The following PDE8B variants were observed in gnomAD, a reference collection of about 807,000 sequenced individuals.
PDE8B encodes phosphodiesterase 8B.
PDE8B carries 26 observed loss-of-function variants against 101.3 expected under a neutral mutation model. The ratio of observed to expected loss-of-function variants is 0.26; its 90% confidence interval spans 0.19 to 0.36. The LOEUF is 0.36. Ranked by LOEUF, PDE8B falls within the 10% of genes least tolerant of loss-of-function variation. The probability of loss-of-function intolerance (pLI) is 1.00; values close to 1 mark genes in which losing one functional copy is unlikely to be tolerated. For synonymous variants in PDE8B, 424 were observed against 429.3 expected, an observed-to-expected ratio of 0.99 and a Z score of 0.15; for missense variants, 810 against 1,163.1, an observed-to-expected ratio of 0.70 and a Z score of 4.42.
intron 1 of PDE8B, among the ~76,000 whole-genome samples, chr5:77,243,995 T>C (rs1756340548): frequency 6.6e-6 from 1 of 151,872 alleles, no homozygotes; most frequent in Non-Finnish European, 1.5e-5. Flanking sequence ...TGGTTAATGT[T>C]TGGTCTGAAC....
At chr5:77,362,695 G>A (rs561170203) in intron 10 of PDE8B, among the ~76,000 whole-genome samples, 6 of 152,092 alleles carry the variant, frequency 3.9e-5, no homozygotes, top group Middle Eastern at 3.2e-3. Context: ...TTCCTGCCCC[G>A]CTTTCCCTGC....
chr5:77,159,701 A>C, the PDE8B span, among the ~76,000 whole-genome samples: 1 of 152,166 alleles, frequency 6.6e-6, no homozygotes, highest in African/African-American at 2.4e-5. Context: ...GCTAGTCTTG[A>C]GCTGCAGGAG....
chr5:77,132,293 T>C, the PDE8B span, among the ~76,000 whole-genome samples: 10 of 152,330 alleles, frequency 6.6e-5, no homozygotes, highest in Admixed American at 1.3e-4. Context: ...TCCTCCATAT[T>C]GCTAACTAAT....
intron 1 of PDE8B, among the ~76,000 whole-genome samples, chr5:77,225,660 A>G (rs1752179918): frequency 6.6e-6 from 1 of 152,204 alleles, no homozygotes; most frequent in African/African-American, 2.4e-5. Context: ...TAGCCAGGAA[A>G]TAGATACTTT....
At chr5:77,134,027 T>C in the PDE8B span, among the ~76,000 whole-genome samples, 7 of 152,144 alleles carry the variant, frequency 4.6e-5, no homozygotes, top group African/African-American at 1.2e-4. Flanking sequence ...CTGGGGCCGA[T>C]CTGTAGTCAT....
chr5:77,341,689 C>G (rs1043630430), intron 6 of PDE8B, among the ~76,000 whole-genome samples: 1 of 152,234 alleles, frequency 6.6e-6, no homozygotes, highest in Non-Finnish European at 1.5e-5. Flanking sequence ...TACAGTGCTT[C>G]GTCCAGTTTT....
intron 1 of PDE8B, among the ~76,000 whole-genome samples, chr5:77,259,757 TC>T (rs1179606363): frequency 2.0e-5 from 3 of 152,228 alleles, no homozygotes; most frequent in African/African-American, 4.8e-5. Context: ...GGGGTATGTT[TC>T]CCACATCCTG....
intron 6 of PDE8B, among the ~76,000 whole-genome samples, chr5:77,342,065 A>G (rs1779298692): frequency 6.6e-6 from 1 of 152,190 alleles, no homozygotes; most frequent in African/African-American, 2.4e-5. Context: ...TGCACTCCGC[A>G]CGCATACCTC....
chr5:77,424,811 GTTTTT>G (rs1004087096), intron 20 of PDE8B, among the ~76,000 whole-genome samples: 232 of 111,320 alleles, frequency 2.1e-3, no homozygotes, highest in African/African-American at 6.8e-3. Context: ...AACTGGTTCT[GTTTTT>G]TTGTTTTTTG....
the PDE8B span, among the ~76,000 whole-genome samples, chr5:77,130,851 T>A: frequency 4.4e-4 from 67 of 152,316 alleles, no homozygotes; most frequent in South Asian, 1.7e-3. Context: ...GAAAAGAGAT[T>A]ATGGACACAT....
chr5:77,206,393 G>C (rs776916598), upstream of PDE8B, among the ~76,000 whole-genome samples: 1 of 152,232 alleles, frequency 6.6e-6, no homozygotes, highest in Non-Finnish European at 1.5e-5. Context: ...GGGGAATCAG[G>C]AGTGGTAGAG....
chr5:77,158,025 GT>G, the PDE8B span, among the ~76,000 whole-genome samples: 1 of 152,230 alleles, frequency 6.6e-6, no homozygotes, highest in Non-Finnish European at 1.5e-5. Flanking sequence ...CAACCACCCA[GT>G]GAAGGGGCTA....
At chr5:77,111,588 A>G in the PDE8B span, among the ~76,000 whole-genome samples, 8 of 152,192 alleles carry the variant, frequency 5.3e-5, no homozygotes, top group Non-Finnish European at 1.2e-4. Context: ...AGAGGGGAGA[A>G]TTGTATATTT....
chr5:77,198,927 T>C, the PDE8B span, among the ~76,000 whole-genome samples: 1 of 152,326 alleles, frequency 6.6e-6, no homozygotes, highest in South Asian at 2.1e-4. Context: ...TTTCTGGTTT[T>C]TGTTGCAGAA....
intron 1 of PDE8B, among the ~76,000 whole-genome samples, chr5:77,238,456 C>A (rs1220005097): frequency 6.6e-6 from 1 of 152,148 alleles, no homozygotes; most frequent in Admixed American, 6.5e-5. Flanking sequence ...GACTTTAAAT[C>A]TTTCCAGTTG....
chr5:77,328,929 A>C, intron 3 of PDE8B, 69 bp from the exon 4 acceptor site: 1 of 1,138,932 alleles, frequency 8.8e-7, no homozygotes, highest in African/African-American at 1.5e-5. Flanking sequence ...CAGTGTGAAG[A>C]AGTTCCACAT....
chr5:77,193,330 C>A, the PDE8B span, among the ~76,000 whole-genome samples: 1 of 152,194 alleles, frequency 6.6e-6, no homozygotes, highest in African/African-American at 2.4e-5. Flanking sequence ...AGTTAATATT[C>A]ATGTATGGTG....
At chr5:77,096,135 G>T in the PDE8B span, among the ~76,000 whole-genome samples, 1 of 151,980 alleles carries the variant, frequency 6.6e-6, no homozygotes, top group Non-Finnish European at 1.5e-5. Context: ...GACTACAGGC[G>T]CACGCTACCA....
intron 1 of PDE8B, among the ~76,000 whole-genome samples, chr5:77,237,413 T>C (rs1754909950): frequency 6.6e-6 from 1 of 150,740 alleles, no homozygotes; most frequent in Admixed American, 6.6e-5. Context: ...GTGTAGATTT[T>C]TTAGTGGTTG....
Sources: gnomAD v4.1 joint callset for allele counts (sites outside exome capture counted in the v4.1 genomes callset) on GRCh38, gnomAD v4.1.1 for gene constraint, MANE v1.5 for transcripts, NCBI Gene and HGNC (gene_info 2026-07-23, HGNC 2026-07-21) for gene names.